Variants in ERCC2 observed in about 807,000 individuals in gnomAD.
The protein encoded by ERCC2 is general transcription and DNA repair factor IIH helicase subunit XPD.
A neutral mutation model predicts 99.4 loss-of-function variants in ERCC2; 90 were observed. That is an observed-to-expected ratio of 0.91 (90% CI 0.76 to 1.08). The LOEUF is 1.08. Ranked by LOEUF, ERCC2 falls within the 50% of genes least tolerant of loss-of-function variation. ERCC2 has a pLI of 0.00. For synonymous variants in ERCC2, 497 were observed against 432.4 expected (o/e 1.15, Z -1.85); for missense variants, 993 against 1,038.1 (o/e 0.96, Z 0.60).
chr19:45,353,211 A>AC (rs749227339), intron 18 of ERCC2, 31 bp downstream of exon 18: 1 of 1,609,566 alleles, frequency 6.2e-7, no homozygotes, highest in Admixed American at 1.7e-5. Context: ...CACCTCCCCG[A>AC]CCCCTCTCCA....
At chr19:45,356,781 C>A (rs1017966717) in intron 15 of ERCC2, among the ~76,000 whole-genome samples, 1 of 152,214 alleles carries the variant, frequency 6.6e-6, no homozygotes, top group African/African-American at 2.4e-5. Flanking sequence ...GCACTCCAGC[C>A]TGGGCAACAG....
Position 45,350,325 on chromosome 19 carries a change from A to G in ERCC2, c.*1304T>C. Reference sequence around the variant, plus strand: ...ACTGGGGTCCGAAAAGTTCCCAGACACTCCCTTCTCCGCAGGCCTCAGCCT... The same window carrying G: ...ACTGGGGTCCGAAAAGTTCCCAGACGCTCCCTTCTCCGCAGGCCTCAGCCT... On this transcript the variant is annotated 3_prime_UTR_variant, in exon 23 of 23. Transcript: ENST00000391945. 6.2e-7 allele frequency: 1 copy of G among 1,610,078 alleles called. No homozygotes were observed. Among genetic ancestry groups the G allele is most frequent in the Non-Finnish European group, 8.5e-7 (1 of 1,178,472 alleles).
intron 22 of ERCC2, among the ~76,000 whole-genome samples, 162 bp downstream of exon 22, chr19:45,352,047 C>G (rs1971815429): frequency 6.6e-6 from 1 of 152,170 alleles, no homozygotes; most frequent in African/African-American, 2.4e-5. Context: ...TCGAATCTCC[C>G]CCTTCCCCCC....
chr19:45,365,727 G>GC (rs1972404449), intron 5 of ERCC2, among the ~76,000 whole-genome samples: 1 of 151,974 alleles, frequency 6.6e-6, no homozygotes, highest in Non-Finnish European at 1.5e-5. Flanking sequence ...GAAGGCAGAG[G>GC]TTGCAGTGAG....
intron 14 of ERCC2, 39 bp downstream of exon 14, chr19:45,357,435 G>A (rs990742647): frequency 1.1e-5 from 17 of 1,610,904 alleles, no homozygotes; most frequent in Non-Finnish European, 1.4e-5. Context: ...CCCATGGAGG[G>A]AGGTCAGGGA....
In ERCC2 at chr19:45,361,947, T is replaced by A. The variant is rs1270836118; in HGVS notation, c.1119-305A>T. 3 of 377,218 alleles carry A rather than the reference T, an allele frequency of 8.0e-6. No homozygotes were observed. The East Asian group carries it at 1.7e-4, about 21-fold the overall frequency. 23.4% of individuals were successfully genotyped at this position (377,218 alleles called of 1,614,324 possible). A position where few individuals can be genotyped will look rare whatever the true frequency, so the allele number is the denominator to read the frequency against. On this transcript the variant is annotated intron_variant, in intron 11 of 22. Transcript: ENST00000391945. ...GTTCTTTTTTTCTTTTTCTTTTTTT[T>A]CTTTGTTCAGATGGAGTCTTGCCCT...
At chr19:45,363,553 C>G (rs538581086) in intron 11 of ERCC2, among the ~76,000 whole-genome samples, 190 bp downstream of exon 11, 2 of 152,332 alleles carry the variant, frequency 1.3e-5, no homozygotes, top group South Asian at 2.1e-4. Context: ...GCCCGACGCA[C>G]GGACCCAGGA....
chr19:45,369,938 A>G (rs1416693254), intron 2 of ERCC2, among the ~76,000 whole-genome samples, 195 bp downstream of exon 2: 1 of 152,206 alleles, frequency 6.6e-6, no homozygotes, highest in Admixed American at 6.5e-5. Context: ...GTCCTCCCAA[A>G]GCTCTGGGAT....
At chr19:45,351,869 C>T (rs1235086401) in intron 22 of ERCC2, 148 bp from the exon 23 acceptor site, 13 of 734,132 alleles carry the variant, frequency 1.8e-5, no homozygotes, top group Non-Finnish European at 2.5e-5. Context: ...CAGAGCGGGC[C>T]ATCCCTGTCA....
At chr19:45,363,313 C>A (rs1419713338) in intron 11 of ERCC2, among the ~76,000 whole-genome samples, 1 of 152,140 alleles carries the variant, frequency 6.6e-6, no homozygotes, top group East Asian at 1.9e-4. Context: ...TCCCAGCCTG[C>A]GAGGCCCTGG....
chr19:45,350,520 C>CCAACACAGGCACAGCTGGTGACG lies in ERCC2; in HGVS notation c.*1086_*1108dup. The CCAACACAGGCACAGCTGGTGACG allele has an allele frequency of 6.2e-7, 1 of 1,613,990 alleles. No homozygotes were observed. On this transcript the variant is annotated 3_prime_UTR_variant, in exon 23 of 23. Coordinates refer to ENST00000391945, the MANE Select transcript of ERCC2 (RefSeq NM_000400.4). ...CCCCCATCTTTCCCCCTAGGTGCCC[C>CCAACACAGGCACAGCTGGTGACG]CAACACAGGCACAGCTGGTGACGCA...
At position 45,352,610 on chromosome 19, in the gene ERCC2, C is replaced by T. The variant is rs778469146; in HGVS notation, c.1942G>A (p.Glu648Lys). 1 of 1,614,010 alleles carries T rather than the reference C, an allele frequency of 6.2e-7. No individual in the cohort carries two copies. Among genetic ancestry groups the T allele is most frequent in the Non-Finnish European group, 8.5e-7 (1 of 1,180,036 alleles). ...EYLRDQFQIR[E>K]NDFLTFDAMR... ...GCATCGAAGGTAAGAAAGTCATTCT[C>T]ACGAATCTGGAACTGGTCCCGCAGG... The change falls in exon 21 of 23, where the codon GAG becomes AAG. Residue 648 changes from glutamate to lysine, a missense_variant. Physicochemically the swap from Glu to Lys is moderately conservative, Grantham distance 56. Around this residue, in one of 3 missense-constraint regions of ERCC2, gnomAD observed 909 missense variants for 930.8 expected, o/e 0.98. Coordinates refer to ENST00000391945, the MANE Select transcript of ERCC2 (RefSeq NM_000400.4).
At chr19:45,356,800 T>C (rs998937300) in intron 15 of ERCC2, among the ~76,000 whole-genome samples, 1 of 152,120 alleles carries the variant, frequency 6.6e-6, no homozygotes, top group Non-Finnish European at 1.5e-5. Flanking sequence ...AGAGCAAGAC[T>C]CCGTCGCACA....
At chr19:45,357,154 C>A in intron 15 of ERCC2, 116 bp downstream of exon 15, 1 of 733,222 alleles carries the variant, frequency 1.4e-6, no homozygotes, top group Non-Finnish European at 2.4e-6. Context: ...GAATCCCGAA[C>A]CCAGCCTCTT....
In ERCC2 at chr19:45,351,318, G is replaced by C; in HGVS notation, c.*311C>G. 6.2e-7 allele frequency: 1 copy of C among 1,612,174 alleles called. No homozygotes were observed. The highest frequency in any genetic ancestry group is 8.5e-7 in the Non-Finnish European group (1 of 1,179,820). ...GCTGGCACCTGGACAAGGCCCCTCG[G>C]ACCCTCAGCGCCAGCACCCAGGACC... On this transcript the variant is annotated 3_prime_UTR_variant, in exon 23 of 23. Transcript: ENST00000391945.
chr19:45,364,745 A>G (rs1972364545), intron 7 of ERCC2, 93 bp downstream of exon 7: 3 of 1,271,550 alleles, frequency 2.4e-6, no homozygotes, highest in Non-Finnish European at 3.4e-6. Flanking sequence ...GCAGACTCAC[A>G]GCAAGCAACA....
At chr19:45,359,755 G>A (rs948508893) in intron 12 of ERCC2, among the ~76,000 whole-genome samples, 2 of 149,564 alleles carry the variant, frequency 1.3e-5, no homozygotes, top group African/African-American at 4.9e-5. Flanking sequence ...CCAGTCTCCT[G>A]CCTCTAGTCC....
intron 16 of ERCC2, among the ~76,000 whole-genome samples, chr19:45,355,079 G>A (rs925485259): frequency 7.9e-5 from 12 of 152,358 alleles, no homozygotes; most frequent in Non-Finnish European, 1.2e-4. Context: ...AGAAGGGGCC[G>A]GGCGCTGTGG....
chr19:45,356,660 A>G (rs182849659), intron 15 of ERCC2, among the ~76,000 whole-genome samples: 84 of 152,330 alleles, frequency 5.5e-4, no homozygotes, highest in African/African-American at 2.0e-3. Context: ...AATTACAAAA[A>G]TTAGCTGGGC....
Sources: allele counts gnomAD v4.1 joint callset (sites outside exome capture counted in the v4.1 genomes callset), GRCh38; gene constraint gnomAD v4.1.1; regional missense constraint gnomAD v4.1.1; transcripts MANE v1.5; gene names NCBI Gene and HGNC (gene_info 2026-07-23, HGNC 2026-07-21).